Variants in NGEF observed in about 807,000 individuals in gnomAD.
NGEF encodes ephexin-1.
NGEF carries 31 observed loss-of-function variants against 80.9 expected under a neutral mutation model. That is an observed-to-expected ratio of 0.38 (90% CI 0.29 to 0.52). The LOEUF is 0.52. NGEF is among the 20% of genes least tolerant of loss of function. NGEF has a pLI of 0.84. For missense variants in NGEF, 709 were observed against 926.2 expected (o/e 0.77, Z 3.04); for synonymous variants, 371 against 370.2 (o/e 1.00, Z -0.03).
chr2:232,903,720 G>A (rs139463729), intron 5 of NGEF, among the ~76,000 whole-genome samples: 260 of 152,244 alleles, frequency 1.7e-3, no homozygotes, highest in African/African-American at 5.8e-3. Context: ...ACTCCCTGCC[G>A]TCTCCCACTG....
intron 3 of NGEF, among the ~76,000 whole-genome samples, chr2:232,963,965 T>C (rs760342855): frequency 6.6e-6 from 1 of 152,106 alleles, no homozygotes; most frequent in Non-Finnish European, 1.5e-5. Flanking sequence ...ACAGGCACCA[T>C]GAATGGCCAA....
intron 8 of NGEF, among the ~76,000 whole-genome samples, chr2:232,889,253 G>C (rs1267791883): frequency 6.6e-6 from 1 of 152,206 alleles, no homozygotes; most frequent in East Asian, 1.9e-4. Flanking sequence ...CATAAAAGCT[G>C]CATCTGACCA....
At chr2:232,986,556 C>T (rs1694536037) in intron 1 of NGEF, among the ~76,000 whole-genome samples, 1 of 152,162 alleles carries the variant, frequency 6.6e-6, no homozygotes, top group South Asian at 2.1e-4. Flanking sequence ...TTTGCAACAG[C>T]ATGGATGAGC....
At chr2:232,902,153 C>T (rs577894871) in intron 5 of NGEF, among the ~76,000 whole-genome samples, 1 of 152,328 alleles carries the variant, frequency 6.6e-6, no homozygotes, top group African/African-American at 2.4e-5. Context: ...CCTCTGTTCC[C>T]CAGGATGACT....
At chr2:232,940,386 C>T (rs1693413251) in intron 3 of NGEF, among the ~76,000 whole-genome samples, 1 of 152,304 alleles carries the variant, frequency 6.6e-6, no homozygotes, top group East Asian at 1.9e-4. Context: ...TCATTTTCCC[C>T]TGGGGGCGGG....
chr2:232,992,928 G>A lies in NGEF; in HGVS notation c.-74-17964C>T, dbSNP rs1395110252. Among the ~76,000 whole-genome samples the A allele has an allele frequency of 6.0e-5, 9 of 149,038 alleles. No individual in the cohort carries two copies. The South Asian group carries it at 6.3e-4, about 10-fold the overall frequency. On this transcript the variant is annotated intron_variant, in intron 1 of 14. Transcript: ENST00000264051. ...CTTCAACCCAGGAGGCAGAGGTTGC[G>A]GTGAGCCCAGATTATGCTATTGCAC...
chr2:232,899,731 T>C (rs1270685848), intron 5 of NGEF, among the ~76,000 whole-genome samples: 7 of 132,300 alleles, frequency 5.3e-5, no homozygotes, highest in African/African-American at 2.0e-4. Flanking sequence ...CATATACACG[T>C]TCACTCACAT....
intron 13 of NGEF, 36 bp from the exon 14 acceptor site, chr2:232,881,286 C>A (rs376028601): frequency 4.4e-5 from 68 of 1,534,078 alleles, no homozygotes; most frequent in Admixed American, 4.0e-4. Flanking sequence ...TCCCCACCAC[C>A]GCACTACCCA....
intron 4 of NGEF, among the ~76,000 whole-genome samples, chr2:232,925,941 G>A (rs1330798951): frequency 6.6e-6 from 1 of 152,132 alleles, no homozygotes; most frequent in Non-Finnish European, 1.5e-5. Flanking sequence ...GAGTCAGCGC[G>A]GCTTAACAGC....
At chr2:233,006,370 G>T (rs1186520447) in intron 1 of NGEF, among the ~76,000 whole-genome samples, 1 of 152,170 alleles carries the variant, frequency 6.6e-6, no homozygotes, top group Middle Eastern at 3.2e-3. Context: ...TAATGTGCAG[G>T]TGCCTCAAGG....
chr2:233,001,780 C>T (rs992010371), intron 1 of NGEF, among the ~76,000 whole-genome samples: 16 of 151,770 alleles, frequency 1.1e-4, no homozygotes, highest in African/African-American at 2.4e-4. Flanking sequence ...TTTGGGAGGC[C>T]GAGGCGGGTG....
intron 3 of NGEF, among the ~76,000 whole-genome samples, chr2:232,944,726 A>AACATATATATATATATATATATATAT (rs988760226): frequency 9.2e-6 from 1 of 108,720 alleles, no homozygotes; most frequent in Admixed American, 9.4e-5. Context: ...GACTTTTCCG[A>AACATATATATATATATATATATATAT]ATATATATAT....
At chr2:232,934,755 C>T (rs554955101) in intron 3 of NGEF, among the ~76,000 whole-genome samples, 10 of 152,290 alleles carry the variant, frequency 6.6e-5, no homozygotes, top group African/African-American at 2.4e-4. Flanking sequence ...GTAATCCCAG[C>T]ACTTGGGGAG....
intron 12 of NGEF, 52 bp from the exon 13 acceptor site, chr2:232,882,317 C>G (rs747165326): frequency 1.3e-6 from 2 of 1,509,366 alleles, no homozygotes; most frequent in East Asian, 2.3e-5. Flanking sequence ...GGCAGCCCCC[C>G]AACGTGTGGC....
rs754277055 is a variant in NGEF at position 233,013,223 on chromosome 2, G to A, written c.-230C>T. 41 of 470,966 alleles carry A rather than the reference G, an allele frequency of 8.7e-5. No homozygotes were observed. The highest frequency in any genetic ancestry group is 6.9e-5 in the East Asian group (1 of 14,400). The allele number at this position is 470,966 out of a possible 1,614,324, so 29.2% of individuals were successfully genotyped here. On this transcript the variant is annotated 5_prime_UTR_variant, in exon 1 of 15. It adds an upstream start codon to the 5' untranslated region. Transcript: ENST00000264051. Reference sequence around the variant, plus strand: ...CAGAGAGCCCACAGCCAAAAACTTCGTCCTGTCCTGGAAAAGCTTCACTGG... The same window carrying A: ...CAGAGAGCCCACAGCCAAAAACTTCATCCTGTCCTGGAAAAGCTTCACTGG...
chr2:232,880,549 C>G (rs943412374), intron 14 of NGEF, among the ~76,000 whole-genome samples: 2 of 152,372 alleles, frequency 1.3e-5, no homozygotes, highest in African/African-American at 4.8e-5. Context: ...AGGGAAGATG[C>G]AGTTGTATAC....
intron 3 of NGEF, among the ~76,000 whole-genome samples, chr2:232,960,469 A>G (rs1400917722): frequency 1.3e-5 from 2 of 152,146 alleles, no homozygotes; most frequent in East Asian, 1.9e-4. Flanking sequence ...TACCCTGGCC[A>G]TACCTCACAG....
chr2:232,961,578 C>T (rs140150828), intron 3 of NGEF, among the ~76,000 whole-genome samples: 12 of 152,234 alleles, frequency 7.9e-5, no homozygotes, highest in Middle Eastern at 3.4e-3. Flanking sequence ...CTGCAAGCTC[C>T]ACCTCCTGAG....
chr2:233,000,759 C>CA (rs566401446), intron 1 of NGEF, among the ~76,000 whole-genome samples: 12,336 of 114,826 alleles, frequency 0.11, 597 homozygotes, highest in Middle Eastern at 0.21. Flanking sequence ...GACTCTGTCT[C>CA]AAAAAAAAAA....
Sources: gnomAD v4.1 joint callset for allele counts (sites outside exome capture counted in the v4.1 genomes callset) on GRCh38, gnomAD v4.1.1 for gene constraint, MANE v1.5 for transcripts, NCBI Gene and HGNC (gene_info 2026-07-23, HGNC 2026-07-21) for gene names.